Variants in GTF2IRD1 observed in about 807,000 individuals in gnomAD.
GTF2IRD1 encodes the protein general transcription factor II-I repeat domain-containing protein 1.
GTF2IRD1 carries 26 observed loss-of-function variants against 113.2 expected under a neutral mutation model. The ratio of observed to expected loss-of-function variants is 0.23; its 90% CI spans 0.17 to 0.32. The LOEUF (loss-of-function observed/expected upper bound fraction) is 0.32, where lower values mean the gene tolerates loss of function less well. Among genes scored for constraint, GTF2IRD1 ranks in the 10% least tolerant of loss-of-function variants. The pLI is 1.00. For missense variants in GTF2IRD1, 864 were observed against 1,280.8 expected (o/e 0.67, Z 4.97); for synonymous variants, 484 against 529.1 (o/e 0.91, Z 1.17).
chr7:74,573,894 T>G (rs1192222020), intron 22 of GTF2IRD1, among the ~76,000 whole-genome samples: 2 of 152,228 alleles, frequency 1.3e-5, no homozygotes, highest in Non-Finnish European at 2.9e-5. Context: ...AGTCACTCAT[T>G]TGTGCACAGG....
chr7:74,566,919 A>C (rs904771167), intron 22 of GTF2IRD1, among the ~76,000 whole-genome samples: 90 of 152,152 alleles, frequency 5.9e-4, no homozygotes, highest in Middle Eastern at 3.2e-3. Context: ...GGTCTCATCC[A>C]CACAGGGTGG....
At chr7:74,557,574 C>A in intron 19 of GTF2IRD1, 65 bp from the exon 20 acceptor site, 2 of 1,119,052 alleles carry the variant, frequency 1.8e-6, no homozygotes, top group Non-Finnish European at 2.7e-6. Context: ...AATCATCTTC[C>A]TTAAAAGTCA....
At chr7:74,499,929 T>C (rs1200702535) in intron 1 of GTF2IRD1, among the ~76,000 whole-genome samples, 1 of 152,164 alleles carries the variant, frequency 6.6e-6, no homozygotes, top group Non-Finnish European at 1.5e-5. Flanking sequence ...CACACAGGAA[T>C]GAGTGAATGA....
Position 74,484,061 on chromosome 7 carries a change from C to T in GTF2IRD1, c.-6-24014C>T, listed in dbSNP as rs186373615. ...GTGGGCAGCTTCCACTGAGCAGCCC[C>T]CAGAGATGGAGACTCAGTGCCCACA... On this transcript the variant is annotated intron_variant, in intron 1 of 26. Transcript: ENST00000424337. Among the ~76,000 whole-genome samples the T allele has an allele frequency of 1.3e-3, 200 of 152,256 alleles. 1 individual carries two copies. The highest frequency in any genetic ancestry group is 4.5e-3 in the African/African-American group (188 of 41,548).
Position 74,519,807 on chromosome 7 carries a change from C to T in GTF2IRD1, c.916+88C>T, listed in dbSNP as rs940306333. The T allele has an allele frequency of 4.3e-6, 4 of 924,582 alleles. No homozygotes were observed. In the African/African-American group the frequency reaches 5.0e-5, roughly 11 times the overall value. The allele number at this position is 924,582 out of a possible 1,614,324, so 57.3% of individuals were successfully genotyped here. On this transcript the variant is annotated intron_variant, in intron 6 of 26. Coordinates refer to ENST00000424337, the MANE Select transcript of GTF2IRD1 (RefSeq NM_005685.4). ...CAGCCTCCCAGGGCAGGTCAGGATG[C>T]CTGGGCCCTCTTAGGTTGGAAGGAG...
chr7:74,486,962 A>G (rs1269797058), intron 1 of GTF2IRD1, among the ~76,000 whole-genome samples: 1 of 152,214 alleles, frequency 6.6e-6, no homozygotes, highest in Non-Finnish European at 1.5e-5. Flanking sequence ...CTCTAAAAAC[A>G]AAGAAATGAG....
rs1360503761 is a variant in GTF2IRD1, at chr7:74,544,778, C to T, written c.1642C>T (p.Arg548Trp). 29 of 1,613,820 alleles carry T rather than the reference C, an allele frequency of 1.8e-5. 1 individual carries two copies. Among genetic ancestry groups the T allele is most frequent in the Non-Finnish European group, 2.3e-5 (27 of 1,179,914 alleles). ...AGACAAAGGTCTGAGTGAGGACGCG[C>T]GGCCCGAGGAGAGGCCCGTGGAGGG... Reference protein sequence around the residue: ...LTDKGLSEDARPEERPVEDSH... With the variant: ...LTDKGLSEDAWPEERPVEDSH... The change falls in exon 15 of 27, where the codon CGG becomes TGG. Residue 548 changes from arginine (R) to tryptophan (W), a missense_variant. By Grantham distance (101) the Arg-to-Trp change is moderately radical (BLOSUM62 -3). Transcript: ENST00000424337.
At chr7:74,468,887 A>G (rs1554331646) in intron 1 of GTF2IRD1, among the ~76,000 whole-genome samples, 1 of 151,928 alleles carries the variant, frequency 6.6e-6, no homozygotes. Context: ...GAGCGAGACC[A>G]TCCTGGCTAA....
At chr7:74,535,074 C>G (rs782319859) in intron 9 of GTF2IRD1, 39 bp from the exon 10 acceptor site, 1 of 1,599,040 alleles carries the variant, frequency 6.3e-7, no homozygotes, top group South Asian at 1.1e-5. Flanking sequence ...AGTCCTCCAG[C>G]CTGCACTGTT....
At chr7:74,478,284 T>C (rs1554333911) in intron 1 of GTF2IRD1, among the ~76,000 whole-genome samples, 1 of 152,190 alleles carries the variant, frequency 6.6e-6, no homozygotes, top group African/African-American at 2.4e-5. Flanking sequence ...TGATGTCAGC[T>C]TGAGCAATCG....
intron 1 of GTF2IRD1, among the ~76,000 whole-genome samples, chr7:74,495,201 C>T (rs1301010177): frequency 6.6e-6 from 1 of 152,184 alleles, no homozygotes; most frequent in Non-Finnish European, 1.5e-5. Flanking sequence ...GGTGCAGGCT[C>T]CAGGTGGGCG....
chr7:74,564,593 A>G (rs1325135325), intron 22 of GTF2IRD1, among the ~76,000 whole-genome samples: 1 of 151,996 alleles, frequency 6.6e-6, no homozygotes, highest in Non-Finnish European at 1.5e-5. Context: ...CTGCAAAGAC[A>G]TTTTTTTAAA....
At chr7:74,578,702 A>G (rs587757336) in intron 22 of GTF2IRD1, among the ~76,000 whole-genome samples, 151 of 152,298 alleles carry the variant, frequency 9.9e-4, no homozygotes, top group African/African-American at 3.4e-3. Flanking sequence ...TAAGAATGCA[A>G]TTAACACTTA....
chr7:74,461,642 G>GT (rs1371164055), intron 1 of GTF2IRD1, among the ~76,000 whole-genome samples: 1 of 152,026 alleles, frequency 6.6e-6, no homozygotes, highest in Non-Finnish European at 1.5e-5. Context: ...GCAGTGGCGC[G>GT]ATCTCGGCTC....
intron 16 of GTF2IRD1, among the ~76,000 whole-genome samples, chr7:74,546,190 A>G (rs1470740308): frequency 6.6e-6 from 1 of 150,638 alleles, no homozygotes; most frequent in Non-Finnish European, 1.5e-5. Context: ...TGTGCCGGGC[A>G]TGAGGCTAGG....
chr7:74,463,655 C>A (rs147877429), intron 1 of GTF2IRD1, among the ~76,000 whole-genome samples: 1 of 151,724 alleles, frequency 6.6e-6, no homozygotes, highest in African/African-American at 2.4e-5. Flanking sequence ...CACCAAGGAG[C>A]GGGTGGTGGG....
chr7:74,560,775 T>C (rs1203803805), intron 22 of GTF2IRD1, among the ~76,000 whole-genome samples: 4 of 151,788 alleles, frequency 2.6e-5, no homozygotes, highest in Non-Finnish European at 5.9e-5. Flanking sequence ...AGAGCTGGGT[T>C]TCACCATATT....
At chr7:74,462,142 G>A (rs782185681) in intron 1 of GTF2IRD1, among the ~76,000 whole-genome samples, 4 of 152,082 alleles carry the variant, frequency 2.6e-5, no homozygotes, top group Non-Finnish European at 4.4e-5. Context: ...AGGAGGCTGC[G>A]GCGGGAGGAT....
intron 1 of GTF2IRD1, among the ~76,000 whole-genome samples, chr7:74,484,498 A>T (rs1584494440): frequency 7.8e-6 from 1 of 128,942 alleles, no homozygotes; most frequent in Non-Finnish European, 1.6e-5. Flanking sequence ...TCTTTCACCC[A>T]CCCAGGCTGG....
Sources: gnomAD v4.1 joint callset for allele counts (sites outside exome capture counted in the v4.1 genomes callset) on GRCh38, gnomAD v4.1.1 for gene constraint, MANE v1.5 for transcripts, NCBI Gene and HGNC (gene_info 2026-07-23, HGNC 2026-07-21) for gene names.